The following RUBCN variants were observed in gnomAD, a reference collection of about 807,000 sequenced individuals.
The protein encoded by RUBCN is rubicon autophagy regulator, also known as run domain Beclin-1-interacting and cysteine-rich domain-containing protein.
In RUBCN, 74 loss-of-function variants were observed where a neutral mutation model predicts 113.2. The ratio of observed to expected loss-of-function variants is 0.65; its 90% CI spans 0.54 to 0.79. The LOEUF (loss-of-function observed/expected upper bound fraction) is 0.79, where lower values mean the gene tolerates loss of function less well. Ranked by LOEUF, RUBCN falls within the 30% of genes least tolerant of loss-of-function variation. The pLI is 0.00. For missense variants in RUBCN, 1,109 were observed against 1,251.7 expected (o/e 0.89, Z 1.72); for synonymous variants, 480 against 490.0 (o/e 0.98, Z 0.27).
intron 11 of RUBCN, among the ~76,000 whole-genome samples, chr3:197,692,701 T>C (rs1722558131): frequency 6.6e-6 from 1 of 152,162 alleles, no homozygotes; most frequent in Non-Finnish European, 1.5e-5. Flanking sequence ...ATTGTTGTCA[T>C]ACATAGAAAT....
chr3:197,690,524 TA>T (rs1257061812), intron 11 of RUBCN, among the ~76,000 whole-genome samples: 1 of 152,210 alleles, frequency 6.6e-6, no homozygotes, highest in Non-Finnish European at 1.5e-5. Context: ...TTCTTTCAAT[TA>T]ACCTCACCTA....
chr3:197,688,818 T>A (rs2108869725), intron 11 of RUBCN, among the ~76,000 whole-genome samples: 1 of 152,322 alleles, frequency 6.6e-6, no homozygotes, highest in Non-Finnish European at 1.5e-5. Context: ...ATTCCATTTA[T>A]ACGAAGTGTC....
chr3:197,676,182 C>G, intron 18 of RUBCN: 4 of 990,256 alleles, frequency 4.0e-6, no homozygotes, highest in Non-Finnish European at 4.8e-6. Flanking sequence ...GTAAATTATT[C>G]TCTTCATCTT....
chr3:197,695,114 G>T (rs1722862106), intron 9 of RUBCN, among the ~76,000 whole-genome samples: 1 of 152,060 alleles, frequency 6.6e-6, no homozygotes, highest in Admixed American at 6.6e-5. Context: ...GGGAGGCCAA[G>T]CCCAGGAGTT....
intron 11 of RUBCN, among the ~76,000 whole-genome samples, chr3:197,685,254 AG>A (rs1419179174): frequency 6.6e-6 from 1 of 152,258 alleles, no homozygotes; most frequent in African/African-American, 2.4e-5. Flanking sequence ...CAGCCTATCC[AG>A]GTCATGAAAA....
intron 1 of RUBCN, among the ~76,000 whole-genome samples, chr3:197,722,783 C>A (rs562954546): frequency 3.9e-5 from 6 of 152,208 alleles, no homozygotes; most frequent in African/African-American, 1.4e-4. Flanking sequence ...GCTACTCCTG[C>A]TGTCTTTTGG....
At chr3:197,707,086 G>A (rs1416927051) in intron 2 of RUBCN, among the ~76,000 whole-genome samples, 1 of 147,940 alleles carries the variant, frequency 6.8e-6, no homozygotes. Context: ...GCTCACGCCT[G>A]TAATCCCAGC....
intron 1 of RUBCN, among the ~76,000 whole-genome samples, chr3:197,719,507 T>G (rs1421716501): frequency 6.9e-6 from 1 of 145,046 alleles, no homozygotes; most frequent in Non-Finnish European, 1.5e-5. Context: ...AAGAACATGA[T>G]AAATCCCAAA....
In RUBCN at chr3:197,701,794, G is replaced by A. The variant is rs557247903; in HGVS notation, c.641C>T (p.Thr214Ile). The change falls in exon 6 of 20, where the codon ACA becomes ATA. Residue 214 changes from threonine (T) to isoleucine (I), a missense_variant. By Grantham distance (89) the Thr-to-Ile change is moderately conservative. This residue lies in a region of RUBCN where 736 missense variants were observed against 779.6 expected (regional missense o/e 0.94). Transcript: ENST00000296343. ...SQSLTALPSS[T>I]YTPPNSYAQH... is the part of the protein sequence containing the mutation. Reference sequence around the variant, plus strand: ...AGCATAGCTGTTTGGAGGGGTGTATGTGGAACTGGGCAGGGCTGTCAGGCT... The same window carrying A: ...AGCATAGCTGTTTGGAGGGGTGTATATGGAACTGGGCAGGGCTGTCAGGCT... 2 of 1,614,122 alleles carry A rather than the reference G, an allele frequency of 1.2e-6. No individual in the cohort carries two copies. Among genetic ancestry groups the A allele is most frequent in the Admixed American group, 3.3e-5 (2 of 60,026 alleles).
Position 197,674,566 on chromosome 3 carries a change from GA to G in RUBCN, c.*451del. ...GACCCCAGTCCAGGACAGGGAGAGG[GA>G]AAACGCCATCCCCGTTTCAGCAGCA... is the stretch of plus-strand genomic sequence containing the variant. On this transcript the variant is annotated 3_prime_UTR_variant, in exon 20 of 20. Coordinates refer to ENST00000296343, the MANE Select transcript of RUBCN (RefSeq NM_014687.4). 1.9e-6 allele frequency: 1 copy of G among 513,580 alleles called. No homozygotes were observed. Among genetic ancestry groups the G allele is most frequent in the Non-Finnish European group, 4.0e-6 (1 of 250,404 alleles). The allele number at this position is 513,580 out of a possible 1,614,324, so 31.8% of individuals were successfully genotyped here.
chr3:197,683,215 G>A lies in RUBCN; in HGVS notation c.1980+92C>T. The stretch of plus-strand genomic sequence containing the variant: ...CCACGAGTAAGGGGGGAACACCCAG[G>A]CTCATTCCAGACTAGGGACATGTGA... On this transcript the variant is annotated intron_variant, in intron 13 of 19. Transcript: ENST00000296343. The surrounding 1 kb of genome is among the most constrained non-coding windows in gnomAD (Gnocchi z 4.6). 6.7e-7 allele frequency: 1 copy of A among 1,499,020 alleles called. No homozygotes were observed. The highest frequency in any genetic ancestry group is 9.3e-7 in the Non-Finnish European group (1 of 1,075,412). 92.9% of individuals were successfully genotyped at this position (1,499,020 alleles called of 1,614,324 possible).
intron 1 of RUBCN, among the ~76,000 whole-genome samples, chr3:197,734,399 G>A (rs1488615876): frequency 9.4e-5 from 14 of 148,150 alleles, no homozygotes; most frequent in African/African-American, 3.6e-4. Flanking sequence ...GTGAGACCCT[G>A]TCTAAAAAAA....
At chr3:197,706,025 T>G (rs2108921644) in intron 2 of RUBCN, among the ~76,000 whole-genome samples, 1 of 152,264 alleles carries the variant, frequency 6.6e-6, no homozygotes, top group South Asian at 2.1e-4. Context: ...CGTACCCGGC[T>G]GAAAATAATG....
In RUBCN at chr3:197,674,883, A is replaced by ATCTCGGTGGTCGCCGT; in HGVS notation, c.*134_*135insACGGCGACCACCGAGA. On this transcript the variant is annotated 3_prime_UTR_variant, in exon 20 of 20. Transcript: ENST00000296343. ...ACACAGACGTCAGACAAGTCAGTAAAAAAAAAAAAAAAGATGATGATAATT... is the reference window on the plus strand; with the variant it reads ...ACACAGACGTCAGACAAGTCAGTAAATCTCGGTGGTCGCCGTAAAAAAAAAAAAGATGATGATAATT... The ATCTCGGTGGTCGCCGT allele has an allele frequency of 1.6e-6, 1 of 632,464 alleles. No individual in the cohort carries two copies. The highest frequency in any genetic ancestry group is 2.4e-6 in the Non-Finnish European group (1 of 413,728). 39.2% of individuals were successfully genotyped at this position (632,464 alleles called of 1,614,324 possible). A position where few individuals can be genotyped will look rare whatever the true frequency, so the allele number is the denominator to read the frequency against.
intron 1 of RUBCN, among the ~76,000 whole-genome samples, chr3:197,731,591 C>T (rs1193884766): frequency 6.6e-5 from 10 of 151,644 alleles, no homozygotes. Flanking sequence ...GCGCCCCTCA[C>T]CTCCCGGATG....
upstream of RUBCN, chr3:197,737,084 T>G: frequency 3.5e-5 from 14 of 397,750 alleles, no homozygotes; most frequent in East Asian, 1.1e-4. Flanking sequence ...CGCCCTCCAA[T>G]CCCAGGCCGC....
chr3:197,740,042 A>AG (rs1728460231), upstream of RUBCN, among the ~76,000 whole-genome samples: 1 of 152,106 alleles, frequency 6.6e-6, no homozygotes, highest in Admixed American at 6.6e-5. Flanking sequence ...TGTCTTGGGG[A>AG]GAAAAAAAAG....
intron 1 of RUBCN, among the ~76,000 whole-genome samples, chr3:197,735,268 T>C (rs1251382566): frequency 6.6e-6 from 1 of 152,230 alleles, no homozygotes; most frequent in Non-Finnish European, 1.5e-5. Flanking sequence ...ATGTGGTAGC[T>C]GGCACCTATA....
At chr3:197,749,817 T>C (rs1032187346), upstream of RUBCN, 6 of 480,124 alleles carry the variant, frequency 1.2e-5, no homozygotes, top group African/African-American at 8.3e-5. Context: ...CGAGTGTCGG[T>C]GGCCCCGCCC....
Sources: allele counts gnomAD v4.1 joint callset (sites outside exome capture counted in the v4.1 genomes callset), GRCh38; gene constraint gnomAD v4.1.1; regional missense constraint gnomAD v4.1.1; non-coding constraint Gnocchi (gnomAD v3.1); transcripts MANE v1.5; gene names NCBI Gene and HGNC (gene_info 2026-07-23, HGNC 2026-07-21).